The following IDH3A variants were observed in gnomAD, a reference collection of about 807,000 sequenced individuals.
IDH3A encodes the protein isocitrate dehydrogenase [NAD] subunit alpha, mitochondrial.
A neutral mutation model predicts 43.3 loss-of-function variants in IDH3A; 23 were observed. That is an observed-to-expected ratio of 0.53 (90% CI 0.38 to 0.75). The LOEUF (loss-of-function observed/expected upper bound fraction) is 0.75. Ranked by LOEUF, IDH3A falls within the 30% of genes least tolerant of loss-of-function variation. The pLI is 0.00. For synonymous variants in IDH3A, 154 were observed against 163.5 expected (o/e 0.94, Z 0.44); for missense variants, 329 against 474.4 (o/e 0.69, Z 2.85).
chr15:78,157,568 T>G lies in IDH3A; in HGVS notation c.111T>G (p.Ile37Met), dbSNP rs2074634755. ...FTGGVQTVTL[I>M]PGDGIGPEIS... ...TTCAGGTTCAGACAGTAACTTTAATTCCAGGAGATGGTATTGGCCCAGAAA... is the reference window on the plus strand; with the variant it reads ...TTCAGGTTCAGACAGTAACTTTAATGCCAGGAGATGGTATTGGCCCAGAAA... The change falls in exon 3 of 11, where the codon ATT (isoleucine) becomes ATG (methionine). Residue 37 changes from isoleucine to methionine, a missense_variant. Physicochemically the swap from Ile to Met is conservative, Grantham distance 10 (BLOSUM62 1). Around this residue, in one of 3 missense-constraint regions of IDH3A, gnomAD observed 212 missense variants for 345.5 expected, o/e 0.61. Transcript: ENST00000299518. 6.2e-7 allele frequency: 1 copy of G among 1,611,892 alleles called. No individual in the cohort carries two copies. Among genetic ancestry groups the G allele is most frequent in the African/African-American group, 1.3e-5 (1 of 74,880 alleles).
chr15:78,149,889 C>G (rs1444378360), intron 1 of IDH3A, among the ~76,000 whole-genome samples: 3 of 152,268 alleles, frequency 2.0e-5, no homozygotes, highest in African/African-American at 2.4e-5. Flanking sequence ...GGCCCTTGGC[C>G]GGGGAACCGC....
intron 1 of IDH3A, among the ~76,000 whole-genome samples, chr15:78,150,358 A>G (rs1361085954): frequency 6.6e-6 from 1 of 152,246 alleles, no homozygotes; most frequent in Non-Finnish European, 1.5e-5. Context: ...GGTACAGGCC[A>G]TCAGGCCTCA....
Position 78,170,988 on chromosome 15 carries a change from C to G in IDH3A, c.*1983C>G, listed in dbSNP as rs1208733760. On this transcript the variant is annotated 3_prime_UTR_variant, in exon 11 of 11. Transcript: ENST00000299518. ...ATGGAATAATAGGGTCGGCGATGCC[C>G]GCCAAGATTCCAGAGTAAGTCAGGT... is the stretch of plus-strand genomic sequence containing the variant. The G allele has an allele frequency of 6.5e-6, 1 of 153,664 alleles. No homozygotes were observed. Among genetic ancestry groups the G allele is most frequent in the East Asian group, 1.9e-4 (1 of 5,218 alleles). The allele number at this position is 153,664 out of a possible 1,614,324, so 9.5% of individuals were successfully genotyped here.
At position 78,165,091 on chromosome 15, in the gene IDH3A, A is replaced by C. The variant is rs2074724284; in HGVS notation, c.864+15A>C. 6.4e-7 allele frequency: 1 copy of C among 1,564,988 alleles called. No individual in the cohort carries two copies. Among genetic ancestry groups the C allele is most frequent in the Admixed American group, 1.7e-5 (1 of 59,922 alleles). On this transcript the variant is annotated intron_variant, in intron 9 of 10. Transcript: ENST00000299518. ...TTTTTGAGTCGGTAAGGACCCTGACACCTGAAACAGAACTCAGGTCAGAAC... is the reference window on the plus strand; with the variant it reads ...TTTTTGAGTCGGTAAGGACCCTGACCCCTGAAACAGAACTCAGGTCAGAAC...
At chr15:78,158,099 C>G (rs1397890955) in intron 3 of IDH3A, among the ~76,000 whole-genome samples, 3 of 152,012 alleles carry the variant, frequency 2.0e-5, no homozygotes, top group Non-Finnish European at 4.4e-5. Flanking sequence ...GCCAAATCAC[C>G]CACCTTTTTG....
rs2074825129 is a variant in IDH3A at position 78,171,702 on chromosome 15, T to C, written c.*2697T>C. 5.2e-6 allele frequency: 3 copies of C among 576,298 alleles called. No individual in the cohort carries two copies. The highest frequency in any genetic ancestry group is 9.4e-6 in the Non-Finnish European group (3 of 320,446). The allele number at this position is 576,298 out of a possible 1,614,324, so 35.7% of individuals were successfully genotyped here. Reference sequence around the variant, plus strand: ...GATCGCTCCTGGTATTCATATGGCTTGTGTGTAGTCTCCTGTGTTATACCA... The same window carrying C: ...GATCGCTCCTGGTATTCATATGGCTCGTGTGTAGTCTCCTGTGTTATACCA... On this transcript the variant is annotated 3_prime_UTR_variant, in exon 11 of 11. Transcript: ENST00000299518.
intron 3 of IDH3A, 45 bp downstream of exon 3, chr15:78,157,676 G>C (rs758317949): frequency 7.4e-7 from 1 of 1,360,316 alleles, no homozygotes; most frequent in Non-Finnish European, 1.0e-6. Context: ...TCACTGAAAA[G>C]TTTTCTTAGC....
rs951985024 is a variant in IDH3A, at chr15:78,161,682, G to A, written c.391G>A (p.Glu131Lys). 4 of 1,614,048 alleles carry A rather than the reference G, an allele frequency of 2.5e-6. No homozygotes were observed. Among genetic ancestry groups the A allele is most frequent in the South Asian group, 2.2e-5 (2 of 91,086 alleles). ...GAATGTCCGACCATGTGTCTCTATC[G>A]AAGGCTATAAAACCCCTTACACCGA... is the stretch of plus-strand genomic sequence containing the variant. ...YANVRPCVSI[E>K]GYKTPYTDVN... The change falls in exon 5 of 11, where the codon GAA becomes AAA. Residue 131 changes from glutamate to lysine, a missense_variant. Glu to Lys is a moderately conservative substitution (Grantham distance 56). Transcript: ENST00000299518. The surrounding 1 kb of genome is among the most constrained non-coding windows in gnomAD (Gnocchi z 4.8).
At chr15:78,155,392 C>G (rs909026718) in intron 2 of IDH3A, 117 bp downstream of exon 2, 1 of 650,054 alleles carries the variant, frequency 1.5e-6, no homozygotes, top group African/African-American at 1.8e-5. Context: ...GAAAATTGGC[C>G]ATATTTATAA....
chr15:78,161,634 C>T lies in IDH3A; in HGVS notation c.343C>T (p.Arg115Cys), dbSNP rs2074682123. Residue 115 changes from arginine (R) to cysteine (C), a missense_variant, in exon 5 of 11, where the codon CGC (arginine) becomes TGC (cysteine). Physicochemically the swap from Arg to Cys is radical, Grantham distance 180. Transcript: ENST00000299518. This position sits in a 1 kb window ranked among gnomAD's most constrained non-coding sequence, Gnocchi z 4.8. ...AGHPSMNLLL[R>C]KTFDLYANVR... The stretch of plus-strand genomic sequence containing the variant: ...TCACCCATCTATGAATTTACTGCTG[C>T]GCAAAACATTTGACCTTTACGCGAA... 1 of 1,614,156 alleles carries T rather than the reference C, an allele frequency of 6.2e-7. No homozygotes were observed. Among genetic ancestry groups the T allele is most frequent in the East Asian group, 2.2e-5 (1 of 44,888 alleles).
At chr15:78,150,423 G>A (rs746705475) in intron 1 of IDH3A, among the ~76,000 whole-genome samples, 7 of 152,096 alleles carry the variant, frequency 4.6e-5, no homozygotes, top group Non-Finnish European at 7.4e-5. Context: ...ACAATTTAAC[G>A]TTTTTCTGTA....
Position 78,170,881 on chromosome 15 carries a change from T to C in IDH3A, c.*1876T>C, listed in dbSNP as rs1227191724. The C allele has an allele frequency of 6.5e-6, 1 of 153,078 alleles. No homozygotes were observed. The highest frequency in any genetic ancestry group is 2.4e-5 in the African/African-American group (1 of 41,460). The allele number at this position is 153,078 out of a possible 1,614,324, so 9.5% of individuals were successfully genotyped here. A position where few individuals can be genotyped will look rare whatever the true frequency, so the allele number is the denominator to read the frequency against. Reference sequence around the variant, plus strand: ...GTTAAAAGGTTTAATATTCAAATTATACATTAAATAGAATCAAACAGGCAG... The same window carrying C: ...GTTAAAAGGTTTAATATTCAAATTACACATTAAATAGAATCAAACAGGCAG... On this transcript the variant is annotated 3_prime_UTR_variant, in exon 11 of 11. Coordinates refer to ENST00000299518, the MANE Select transcript of IDH3A (RefSeq NM_005530.3).
intron 1 of IDH3A, among the ~76,000 whole-genome samples, chr15:78,153,378 G>A (rs186684480): frequency 6.6e-6 from 1 of 152,256 alleles, no homozygotes; most frequent in African/African-American, 2.4e-5. Flanking sequence ...TTTTGTTCAG[G>A]GAGAGGAGAA....
chr15:78,158,224 T>C (rs370719225), intron 3 of IDH3A, among the ~76,000 whole-genome samples: 25 of 152,014 alleles, frequency 1.6e-4, no homozygotes, highest in African/African-American at 4.8e-4. Context: ...TGGAATGTTA[T>C]TACTTCTAAC....
At chr15:78,160,488 T>C (rs2074670881) in intron 4 of IDH3A, among the ~76,000 whole-genome samples, 1 of 137,034 alleles carries the variant, frequency 7.3e-6, no homozygotes, top group South Asian at 2.1e-4. Context: ...TTTGTATATT[T>C]ATTTATTTAC....
chr15:78,165,435 T>C, intron 9 of IDH3A, among the ~76,000 whole-genome samples: 1 of 151,970 alleles, frequency 6.6e-6, no homozygotes. Flanking sequence ...AGATGATCCA[T>C]CCGCCTTGGC....
chr15:78,159,994 C>G, intron 3 of IDH3A, 98 bp from the exon 4 acceptor site: 1 of 762,054 alleles, frequency 1.3e-6, no homozygotes, highest in Non-Finnish European at 2.3e-6. Flanking sequence ...GACTCTATCT[C>G]AAAAACGAAG....
At chr15:78,158,436 A>C (rs1054656374) in intron 3 of IDH3A, among the ~76,000 whole-genome samples, 1 of 93,112 alleles carries the variant, frequency 1.1e-5, no homozygotes, top group Non-Finnish European at 2.1e-5. Flanking sequence ...TAGGTTATGC[A>C]ATACATACAT....
chr15:78,162,161 A>T (rs760476271), intron 5 of IDH3A, 73 bp from the exon 6 acceptor site: 23 of 1,542,180 alleles, frequency 1.5e-5, no homozygotes, highest in African/African-American at 6.9e-5. Context: ...GTTACTGTCT[A>T]CTCCCCACCC....
Sources: allele counts gnomAD v4.1 joint callset (sites outside exome capture counted in the v4.1 genomes callset), GRCh38; gene constraint gnomAD v4.1.1; regional missense constraint gnomAD v4.1.1; non-coding constraint Gnocchi (gnomAD v3.1); transcripts MANE v1.5; gene names NCBI Gene and HGNC (gene_info 2026-07-23, HGNC 2026-07-21).